MEGF11: variants seen among roughly 807,000 people sequenced by gnomAD.
MEGF11 encodes the protein multiple EGF like domains 11, also known as multiple epidermal growth factor-like domains protein 11.
In MEGF11, 126 loss-of-function variants were observed where a neutral mutation model predicts 146.6. The ratio of observed to expected loss-of-function variants is 0.86; its 90% CI spans 0.74 to 1.00. The LOEUF (loss-of-function observed/expected upper bound fraction) is 1.00. MEGF11 is among the 50% of genes least tolerant of loss of function. The pLI is 0.00. For missense variants in MEGF11, 1,509 were observed against 1,521.2 expected (o/e 0.99, Z 0.13); for synonymous variants, 532 against 583.4 (o/e 0.91, Z 1.27).
chr15:66,058,455 C>A (rs1213277361), intron 5 of MEGF11, among the ~76,000 whole-genome samples: 5 of 152,162 alleles, frequency 3.3e-5, no homozygotes, highest in Admixed American at 3.3e-4. Context: ...GCTGAGGAGG[C>A]AGTTTCAGGA....
chr15:65,909,864 T>C lies in MEGF11; in HGVS notation c.2830-58A>G, dbSNP rs2078743873. 4 of 1,448,868 alleles carry C rather than the reference T, an allele frequency of 2.8e-6. No individual in the cohort carries two copies. In the Admixed American group the frequency reaches 7.8e-5, roughly 28 times the overall value. 89.8% of individuals were successfully genotyped at this position (1,448,868 alleles called of 1,614,324 possible). ...TAGTGCCCCAGGTACCCCTCCCCAG[T>C]CTTCACTTTGCGTAGCTTCAGTGCA... On this transcript the variant is annotated intron_variant, in intron 21 of 25. Transcript: ENST00000395614.
intron 1 of MEGF11, among the ~76,000 whole-genome samples, chr15:66,247,055 A>G (rs1205126392): frequency 1.3e-5 from 2 of 152,270 alleles, no homozygotes; most frequent in East Asian, 3.9e-4. Flanking sequence ...CTGAGAAAAA[A>G]GCAAGAGGAA....
chr15:66,048,446 C>T (rs2084313333), intron 5 of MEGF11, among the ~76,000 whole-genome samples: 1 of 152,244 alleles, frequency 6.6e-6, no homozygotes, highest in Admixed American at 6.5e-5. Flanking sequence ...CAACAAGGGA[C>T]AGACGGCTTC....
At chr15:66,223,639 C>T (rs912209189) in intron 1 of MEGF11, among the ~76,000 whole-genome samples, 2 of 152,148 alleles carry the variant, frequency 1.3e-5, no homozygotes, top group African/African-American at 4.8e-5. Flanking sequence ...AGGAGAATCG[C>T]TTGAACCTGG....
intron 8 of MEGF11, among the ~76,000 whole-genome samples, chr15:65,965,595 TCTTTC>T (rs1567180013): frequency 0.081 from 2,638 of 32,656 alleles, 184 homozygotes; most frequent in African/African-American, 0.16. Context: ...TTTCTTTCTT[TCTTTC>T]TTTTTTTTTT....
rs71139449 is a variant in MEGF11, at chr15:65,935,322, G to GAAAAAA, written c.1288-4385_1288-4380dup. 1.2e-3 allele frequency among the ~76,000 whole-genome samples: 41 copies of GAAAAAA among 35,208 alleles called. 8 individuals are homozygous for GAAAAAA. Among genetic ancestry groups the GAAAAAA allele is most frequent in the Non-Finnish European group, 1.5e-3 (31 of 21,002 alleles). The allele number at this position is 35,208 out of a possible 152,430, so 23.1% of individuals were successfully genotyped here. A position where few individuals can be genotyped will look rare whatever the true frequency, so the allele number is the denominator to read the frequency against. ...GTGACAGAGCGAGACTCCGTCTCAA[G>GAAAAAA]AAAAAAAAAAAAAAAAAAAAAAAAA... On this transcript the variant is annotated intron_variant, in intron 10 of 25. Coordinates refer to ENST00000395614, the MANE Select transcript of MEGF11 (RefSeq NM_001385028.1).
At chr15:66,065,243 C>A (rs1351757522) in intron 5 of MEGF11, among the ~76,000 whole-genome samples, 1 of 149,334 alleles carries the variant, frequency 6.7e-6, no homozygotes, top group Non-Finnish European at 1.5e-5. Flanking sequence ...TTGCAGCATA[C>A]ACAATAAGCT....
intron 1 of MEGF11, among the ~76,000 whole-genome samples, chr15:66,230,366 G>A (rs1467927336): frequency 6.6e-6 from 1 of 152,216 alleles, no homozygotes; most frequent in Non-Finnish European, 1.5e-5. Context: ...TGGCAGCAGG[G>A]CTGGGTTATA....
At chr15:66,003,430 G>A (rs1035611385) in intron 5 of MEGF11, among the ~76,000 whole-genome samples, 1 of 149,146 alleles carries the variant, frequency 6.7e-6, no homozygotes, top group Non-Finnish European at 1.5e-5. Flanking sequence ...TCTCATGAAA[G>A]CAAATTTTCT....
chr15:65,898,888 A>G lies in MEGF11; in HGVS notation c.3102T>C (p.Asn1034=), dbSNP rs1191589368. The part of the protein sequence containing the change: ...SVCSSSTCSL[N]SSENPYATIK... ...TTGTGGCGTAAGGGTTTTCACTGCT[A>G]TTCAAGGAACAAGTACTAGAACTGC... Residue 1034 remains asparagine, a synonymous_variant, in exon 25 of 26, where the codon AAT becomes AAC. Coordinates refer to ENST00000395614, the MANE Select transcript of MEGF11 (RefSeq NM_001385028.1). 1.2e-6 allele frequency: 2 copies of G among 1,613,976 alleles called. No individual in the cohort carries two copies. The highest frequency in any genetic ancestry group is 4.5e-5 in the East Asian group (2 of 44,880).
At position 65,913,825 on chromosome 15, in the gene MEGF11, C is replaced by T; in HGVS notation, c.2622G>A (p.Arg874=). 1.2e-6 allele frequency: 2 copies of T among 1,614,018 alleles called. No individual in the cohort carries two copies. The highest frequency in any genetic ancestry group is 1.7e-6 in the Non-Finnish European group (2 of 1,179,886). Residue 874 remains arginine, a synonymous_variant, in exon 20 of 26, where the codon CGG becomes CGA. Transcript: ENST00000395614. ...VLLGLFAWHR[R]RQKEKGRDLA... ...GGTCTCGGCCCTTCTCTTTCTGCCGCCGCCGATGCCAGGCAAATAGGCCCA... is the reference window on the plus strand; with the variant it reads ...GGTCTCGGCCCTTCTCTTTCTGCCGTCGCCGATGCCAGGCAAATAGGCCCA...
intron 1 of MEGF11, among the ~76,000 whole-genome samples, chr15:66,211,345 A>C (rs1422955380): frequency 1.3e-5 from 2 of 151,996 alleles, no homozygotes; most frequent in Non-Finnish European, 2.9e-5. Flanking sequence ...AACACGGTGA[A>C]ACCCCGTCTC....
chr15:66,172,056 C>T (rs2090273598), intron 1 of MEGF11, among the ~76,000 whole-genome samples: 2 of 152,172 alleles, frequency 1.3e-5, no homozygotes. Flanking sequence ...CTAATGTGCA[C>T]TAATCTATCA....
At chr15:66,234,317 C>T (rs2092041908) in intron 1 of MEGF11, among the ~76,000 whole-genome samples, 1 of 152,248 alleles carries the variant, frequency 6.6e-6, no homozygotes, top group Non-Finnish European at 1.5e-5. Flanking sequence ...CGGAAAGGAC[C>T]TAGATTCTTA....
intron 2 of MEGF11, among the ~76,000 whole-genome samples, chr15:66,124,460 A>C (rs1054062003): frequency 2.6e-5 from 4 of 152,186 alleles, no homozygotes; most frequent in Non-Finnish European, 5.9e-5. Context: ...TTCAGAGAAA[A>C]GTGACTTGCC....
chr15:65,978,286 T>C (rs1033697918), intron 7 of MEGF11, among the ~76,000 whole-genome samples: 3 of 152,224 alleles, frequency 2.0e-5, no homozygotes, highest in Non-Finnish European at 2.9e-5. Flanking sequence ...CAGCTCTCCC[T>C]GGGAGGAGCC....
chr15:66,120,395 GC>G (rs1235620087), intron 3 of MEGF11, among the ~76,000 whole-genome samples: 1 of 152,168 alleles, frequency 6.6e-6, no homozygotes, highest in African/African-American at 2.4e-5. Flanking sequence ...GGGCCTTGAA[GC>G]CAGACCTCTT....
chr15:65,980,404 T>TTTTTTTA (rs1334275752), intron 7 of MEGF11, among the ~76,000 whole-genome samples: 2 of 133,958 alleles, frequency 1.5e-5, no homozygotes, highest in African/African-American at 5.4e-5. Flanking sequence ...GCTTTTTTTT[T>TTTTTTTA]TTTTTTTTTT....
chr15:66,167,538 G>C (rs1483427099), intron 1 of MEGF11, among the ~76,000 whole-genome samples: 3 of 152,146 alleles, frequency 2.0e-5, no homozygotes, highest in African/African-American at 7.2e-5. Context: ...CCAGCTACTG[G>C]GGAGGCTGAG....
Sources: gnomAD v4.1 joint callset for allele counts (sites outside exome capture counted in the v4.1 genomes callset) on GRCh38, gnomAD v4.1.1 for gene constraint, MANE v1.5 for transcripts, NCBI Gene and HGNC (gene_info 2026-07-23, HGNC 2026-07-21) for gene names.